Variants in RFX7 observed in about 807,000 individuals in gnomAD.
RFX7 encodes regulatory factor X7.
In RFX7, 26 loss-of-function variants were observed where a neutral mutation model predicts 111.8. That is an observed-to-expected ratio of 0.23 (90% CI 0.17 to 0.32). The LOEUF is 0.32. Ranked by LOEUF, RFX7 falls within the 10% of genes least tolerant of loss-of-function variation. The pLI is 1.00. For missense variants in RFX7, 1,573 were observed against 1,772.9 expected (o/e 0.89, Z 2.02); for synonymous variants, 624 against 624.4 (o/e 1.00, Z 0.01).
rs574925401 is a variant in RFX7, at chr15:56,143,292, AAT to A, written c.279-394_279-393del. ...TTCTATTTGCTCAGCATTCTCATAT[AAT>A]ATATATATATACACACATATATATA... On this transcript the variant is annotated intron_variant, in intron 4 of 9. Transcript: ENST00000559447. Among the ~76,000 whole-genome samples the A allele has an allele frequency of 7.9e-5, 12 of 151,282 alleles. 1 individual carries two copies. Among genetic ancestry groups the A allele is most frequent in the East Asian group, 1.9e-4 (1 of 5,174 alleles).
At chr15:56,151,477 A>G (rs1465787551) in intron 3 of RFX7, among the ~76,000 whole-genome samples, 1 of 152,212 alleles carries the variant, frequency 6.6e-6, no homozygotes, top group African/African-American at 2.4e-5. Context: ...TAAGTGAAGG[A>G]GAAATAAAAT....
chr15:56,117,056 A>G (rs1200367740), intron 5 of RFX7, among the ~76,000 whole-genome samples: 3 of 152,160 alleles, frequency 2.0e-5, no homozygotes, highest in East Asian at 1.9e-4. Flanking sequence ...ATGAGGCAGG[A>G]TTATGGTAAT....
chr15:56,240,314 T>A (rs1019369527), intron 2 of RFX7, among the ~76,000 whole-genome samples: 2 of 152,120 alleles, frequency 1.3e-5, no homozygotes, highest in Non-Finnish European at 2.9e-5. Context: ...TAGAGTTAAC[T>A]TGAAGGTATT....
At chr15:56,114,066 G>A (rs1215620360) in intron 5 of RFX7, among the ~76,000 whole-genome samples, 1 of 152,102 alleles carries the variant, frequency 6.6e-6, no homozygotes, top group African/African-American at 2.4e-5. Flanking sequence ...TTAAGACTCT[G>A]GAGAGAAAAC....
At chr15:56,141,656 A>AATACATATATATATATATATATATATAT (rs1555421060) in intron 5 of RFX7, among the ~76,000 whole-genome samples, 6 of 83,192 alleles carry the variant, frequency 7.2e-5, no homozygotes, top group African/African-American at 1.3e-4. Flanking sequence ...GCTTACTCTA[A>AATACATATATATATATATATATATATAT]ATATATATAT....
chr15:56,240,401 T>C (rs1455483844), intron 2 of RFX7, among the ~76,000 whole-genome samples: 3 of 152,138 alleles, frequency 2.0e-5, no homozygotes, highest in Non-Finnish European at 4.4e-5. Context: ...CTTTAAAATA[T>C]ATTTCCAACT....
intron 5 of RFX7, among the ~76,000 whole-genome samples, chr15:56,141,107 T>C (rs2042386392): frequency 6.6e-6 from 1 of 152,250 alleles, no homozygotes; most frequent in Non-Finnish European, 1.5e-5. Context: ...TAACATTCCC[T>C]ACTTGAGACA....
chr15:56,159,615 T>C (rs1488749630), intron 3 of RFX7, among the ~76,000 whole-genome samples: 1 of 152,214 alleles, frequency 6.6e-6, no homozygotes, highest in Non-Finnish European at 1.5e-5. Context: ...GAAATAACTT[T>C]CTCCAGGTTC....
chr15:56,210,593 A>G (rs1164515476), intron 2 of RFX7, among the ~76,000 whole-genome samples: 1 of 152,138 alleles, frequency 6.6e-6, no homozygotes, highest in African/African-American at 2.4e-5. Flanking sequence ...TTTTAAAAAT[A>G]GAAATTATAG....
At chr15:56,157,969 A>G (rs1484856041) in intron 3 of RFX7, among the ~76,000 whole-genome samples, 1 of 152,266 alleles carries the variant, frequency 6.6e-6, no homozygotes, top group Non-Finnish European at 1.5e-5. Flanking sequence ...TCATATAAGA[A>G]TATCACCCAG....
At chr15:56,110,184 T>C (rs1298299592) in intron 5 of RFX7, among the ~76,000 whole-genome samples, 25 of 82,288 alleles carry the variant, frequency 3.0e-4, no homozygotes, top group Admixed American at 9.1e-4. Flanking sequence ...GTCCAGGAGG[T>C]GAGGGGAGCC....
intron 5 of RFX7, among the ~76,000 whole-genome samples, chr15:56,114,050 T>C (rs2041973426): frequency 6.6e-6 from 1 of 152,138 alleles, no homozygotes; most frequent in Non-Finnish European, 1.5e-5. Context: ...AAGGAGTAAA[T>C]AGATCTTAAG....
chr15:56,218,529 T>C (rs766169495), intron 2 of RFX7, among the ~76,000 whole-genome samples: 12 of 152,224 alleles, frequency 7.9e-5, no homozygotes, highest in Middle Eastern at 3.2e-3. Flanking sequence ...TTTTGTTACC[T>C]ATGGGGGTCC....
At chr15:56,210,110 A>G (rs764038731) in intron 2 of RFX7, among the ~76,000 whole-genome samples, 1 of 152,054 alleles carries the variant, frequency 6.6e-6, no homozygotes, top group Non-Finnish European at 1.5e-5. Context: ...ACAAGGATAC[A>G]TACAGATTAA....
intron 2 of RFX7, among the ~76,000 whole-genome samples, chr15:56,234,427 T>G: frequency 6.6e-6 from 1 of 152,244 alleles, no homozygotes; most frequent in African/African-American, 2.4e-5. Flanking sequence ...ATGTAGAATC[T>G]GCCTAAAATG....
At chr15:56,116,198 T>C (rs1302688629) in intron 5 of RFX7, among the ~76,000 whole-genome samples, 6 of 152,134 alleles carry the variant, frequency 3.9e-5, no homozygotes, top group African/African-American at 1.2e-4. Flanking sequence ...GTTGTATACA[T>C]GAAAACAAAA....
chr15:56,098,111 G>A lies in RFX7; in HGVS notation c.1077C>T (p.Ile359=), dbSNP rs373795444. ...PSILSPQPIG[I]VVAAVPSPIP... is the part of the protein sequence containing the mutation. ...TGGGACTAGGGACAGCTGCCACAAC[G>A]ATACCAATAGGTTGAGGAGAAAGGA... Residue 359 remains isoleucine (I), a synonymous_variant, in exon 9 of 10, where the codon ATC becomes ATT. Transcript: ENST00000559447. 7.4e-6 allele frequency: 12 copies of A among 1,613,870 alleles called. No individual in the cohort carries two copies. The highest frequency in any genetic ancestry group is 1.7e-4 in the Middle Eastern group (1 of 6,060).
chr15:56,187,876 T>G (rs1291690122), intron 2 of RFX7, among the ~76,000 whole-genome samples: 1 of 151,994 alleles, frequency 6.6e-6, no homozygotes, highest in Non-Finnish European at 1.5e-5. Flanking sequence ...GAATCCAAAG[T>G]CTATAACATA....
chr15:56,182,452 C>T (rs2042984487), intron 2 of RFX7, among the ~76,000 whole-genome samples: 1 of 152,108 alleles, frequency 6.6e-6, no homozygotes, highest in East Asian at 1.9e-4. Context: ...TAGCCTTATA[C>T]CCCTCCCTAC....
Sources: gnomAD v4.1 joint callset for allele counts (sites outside exome capture counted in the v4.1 genomes callset) on GRCh38, gnomAD v4.1.1 for gene constraint, MANE v1.5 for transcripts, NCBI Gene and HGNC (gene_info 2026-07-23, HGNC 2026-07-21) for gene names.